RAD51D: variants seen among roughly 807,000 people sequenced by gnomAD.
The protein encoded by RAD51D is DNA repair protein RAD51 homolog 4.
Under a neutral mutation model 44.1 loss-of-function variants are expected in RAD51D, and 38 were observed. That is an observed-to-expected ratio of 0.86 (90% CI 0.67 to 1.13). The LOEUF (loss-of-function observed/expected upper bound fraction) is 1.13. Ranked by LOEUF, RAD51D falls within the 50% of genes most tolerant of loss-of-function variation. RAD51D has a pLI of 0.00. For synonymous variants in RAD51D, 141 were observed against 166.6 expected, an observed-to-expected ratio of 0.85 and a Z score of 1.18; for missense variants, 390 against 414.0, an observed-to-expected ratio of 0.94 and a Z score of 0.50.
At chr17:35,105,160 C>T (rs1375379951) in intron 6 of RAD51D, among the ~76,000 whole-genome samples, 2 of 152,166 alleles carry the variant, frequency 1.3e-5, no homozygotes, top group Non-Finnish European at 2.9e-5. Context: ...ATTTGGTCAA[C>T]TTTGGTCAAC....
Position 35,099,871 on chromosome 17 carries a change from G to T in RAD51D, c.*1082C>A, listed in dbSNP as rs774128458. 1.9e-6 allele frequency: 1 copy of T among 513,140 alleles called. No homozygotes were observed. The highest frequency in any genetic ancestry group is 3.8e-6 in the Non-Finnish European group (1 of 262,694). The allele number at this position is 513,140 out of a possible 1,614,324, so 31.8% of individuals were successfully genotyped here. A position where few individuals can be genotyped will look rare whatever the true frequency, so the allele number is the denominator to read the frequency against. ...CCAGGGTCATGGCTCTCAGACGGAT[G>T]GCCACAGTGCTGGTGAAAGACAGAG... On this transcript the variant is annotated 3_prime_UTR_variant, in exon 10 of 10. Transcript: ENST00000345365.
In RAD51D at chr17:35,094,892, A is replaced by T. The variant is rs576463566; in HGVS notation, c.*6061T>A. 3.4e-5 allele frequency: 5 copies of T among 145,508 alleles called. No individual in the cohort carries two copies. Among genetic ancestry groups the T allele is most frequent in the African/African-American group, 1.4e-4 (5 of 35,284 alleles). The allele number at this position is 145,508 out of a possible 1,614,324, so 9.0% of individuals were successfully genotyped here. On this transcript the variant is annotated 3_prime_UTR_variant, in exon 10 of 10. Transcript: ENST00000345365. Reference sequence around the variant, plus strand: ...CCTTGATTAACTCGTCTTTGGTACTACCGTAAGTACTAGTGAGAGGCTGCC... The same window carrying T: ...CCTTGATTAACTCGTCTTTGGTACTTCCGTAAGTACTAGTGAGAGGCTGCC...
At position 35,116,916 on chromosome 17, in the gene RAD51D, G is replaced by C. The variant is rs1192914615; in HGVS notation, c.263+1585C>G. The C allele has an allele frequency of 2.5e-6, 4 of 1,608,514 alleles. No individual in the cohort carries two copies. The highest frequency in any genetic ancestry group is 3.4e-6 in the Non-Finnish European group (4 of 1,177,350). ...GAAAGCATTCAGCGAAAGTCCATCT[G>C]TTCCTCCATGCCCAAGTCCTGCCTT... is the stretch of plus-strand genomic sequence containing the variant. On this transcript the variant is annotated intron_variant, in intron 3 of 9. Coordinates refer to ENST00000345365, the MANE Select transcript of RAD51D (RefSeq NM_002878.4).
chr17:35,102,536 G>A (rs1014090452), intron 8 of RAD51D, among the ~76,000 whole-genome samples: 18 of 151,630 alleles, frequency 1.2e-4, no homozygotes, highest in African/African-American at 3.4e-4. Flanking sequence ...AGGCTGAGGC[G>A]GGTGGATTGC....
At chr17:35,104,225 T>C (rs535108710) in intron 6 of RAD51D, among the ~76,000 whole-genome samples, 1 of 152,308 alleles carries the variant, frequency 6.6e-6, no homozygotes, top group Admixed American at 6.5e-5. Context: ...GGTAAGGCCC[T>C]TCTTTTCCTT....
intron 3 of RAD51D, chr17:35,116,728 T>A: frequency 4.3e-6 from 3 of 695,100 alleles, no homozygotes; most frequent in Non-Finnish European, 7.6e-6. Flanking sequence ...TTTCCTGACC[T>A]CATGATCCGC....
At chr17:35,107,821 C>T (rs923485459) in intron 3 of RAD51D, among the ~76,000 whole-genome samples, 1 of 128,524 alleles carries the variant, frequency 7.8e-6, no homozygotes, top group African/African-American at 3.0e-5. Context: ...GTGGCGTGAT[C>T]TCTACTCACT....
rs1567726717 is a variant in RAD51D, at chr17:35,103,692, G to A, written c.577-148C>T. The A allele has an allele frequency of 1.0e-5, 7 of 699,408 alleles. No individual in the cohort carries two copies. In the South Asian group the frequency reaches 1.1e-4, roughly 11 times the overall value. The allele number at this position is 699,408 out of a possible 1,614,324, so 43.3% of individuals were successfully genotyped here. A position where few individuals can be genotyped will look rare whatever the true frequency, so the allele number is the denominator to read the frequency against. ...GCACGGGCATCACAGAATGTCATCAGCAGCAATGTCTCCCTCGTCCCATTG... is the reference window on the plus strand; with the variant it reads ...GCACGGGCATCACAGAATGTCATCAACAGCAATGTCTCCCTCGTCCCATTG... On this transcript the variant is annotated intron_variant, in intron 6 of 9. Coordinates refer to ENST00000345365, the MANE Select transcript of RAD51D (RefSeq NM_002878.4). The surrounding 1 kb of genome is among the most constrained non-coding windows in gnomAD (Gnocchi z 4.1).
At position 35,100,623 on chromosome 17, in the gene RAD51D, G is replaced by C. The variant is rs2091523075; in HGVS notation, c.*330C>G. The C allele has an allele frequency of 1.8e-6, 1 of 553,996 alleles. No homozygotes were observed. Among genetic ancestry groups the C allele is most frequent in the South Asian group, 1.6e-5 (1 of 63,358 alleles). The allele number at this position is 553,996 out of a possible 1,614,324, so 34.3% of individuals were successfully genotyped here. ...GCACAGGACACAATGGTGATGCACA[G>C]GATTATCCATCCAGTCGCCAGCATG... On this transcript the variant is annotated 3_prime_UTR_variant, in exon 10 of 10. Transcript: ENST00000345365.
chr17:35,115,007 C>G (rs908158561), intron 3 of RAD51D, among the ~76,000 whole-genome samples: 1 of 152,080 alleles, frequency 6.6e-6, no homozygotes, highest in African/African-American at 2.4e-5. Flanking sequence ...TAAGGTATTC[C>G]CAAATCCACC....
chr17:35,106,541 T>G lies in RAD51D; in HGVS notation c.481-60A>C, dbSNP rs752669798. 657 of 1,326,034 alleles carry G rather than the reference T, an allele frequency of 5.0e-4. 2 individuals are homozygous for G. The Middle Eastern group carries it at 6.9e-3, about 14-fold the overall frequency. The allele number at this position is 1,326,034 out of a possible 1,614,324, so 82.1% of individuals were successfully genotyped here. ...ATAAGAGGGAGTAGGGGGGTCAAGG[T>G]AAGGCTGAGAAGGAAGAGGCACCTG... On this transcript the variant is annotated intron_variant, in intron 5 of 9. Coordinates refer to ENST00000345365, the MANE Select transcript of RAD51D (RefSeq NM_002878.4).
chr17:35,116,005 G>GAAAGA (rs1555569904), intron 3 of RAD51D, among the ~76,000 whole-genome samples: 1 of 147,948 alleles, frequency 6.8e-6, no homozygotes, highest in African/African-American at 2.5e-5. Flanking sequence ...AAGAAAGAAA[G>GAAAGA]AAAGAAAGGC....
At chr17:35,118,781 C>T (rs559351208) in intron 2 of RAD51D, among the ~76,000 whole-genome samples, 162 bp from the exon 3 acceptor site, 1 of 152,146 alleles carries the variant, frequency 6.6e-6, no homozygotes, top group Non-Finnish European at 1.5e-5. Context: ...CTCACTCTGT[C>T]GCCCAGATTG....
chr17:35,105,503 T>C (rs1257567566), intron 6 of RAD51D, among the ~76,000 whole-genome samples: 1 of 152,222 alleles, frequency 6.6e-6, no homozygotes, highest in Non-Finnish European at 1.5e-5. Context: ...ATTGACTTTA[T>C]ATATAGTCGT....
rs2091804922 is a variant in RAD51D at position 35,119,823 on chromosome 17, A to G, written c.-210T>C. On this transcript the variant is annotated 5_prime_UTR_variant, in exon 1 of 10. Transcript: ENST00000345365. ...GGGATCCGCCGGGATTCCCGCGCCC[A>G]GAGCCCGCCCGCCGGGTCGCGCCGC... 1.4e-6 allele frequency: 1 copy of G among 691,036 alleles called. No homozygotes were observed. The highest frequency in any genetic ancestry group is 2.6e-6 in the Non-Finnish European group (1 of 383,024). The allele number at this position is 691,036 out of a possible 1,614,324, so 42.8% of individuals were successfully genotyped here. A position where few individuals can be genotyped will look rare whatever the true frequency, so the allele number is the denominator to read the frequency against.
At chr17:35,110,404 T>C (rs2142446283) in intron 3 of RAD51D, among the ~76,000 whole-genome samples, 1 of 152,322 alleles carries the variant, frequency 6.6e-6, no homozygotes, top group East Asian at 1.9e-4. Flanking sequence ...TTTCATTCTG[T>C]TTTGCACAGC....
rs753856224 is a variant in RAD51D, at chr17:35,107,377, C to T, written c.334G>A (p.Gly112Ser). Residue 112 changes from glycine (G) to serine (S), a missense_variant, in exon 4 of 10, where the codon GGC becomes AGC. Coordinates refer to ENST00000345365, the MANE Select transcript of RAD51D (RefSeq NM_002878.4). Reference protein sequence around the residue: ...VTEIVGGPGSGKTQVCLCMAA... With the variant: ...VTEIVGGPGSSKTQVCLCMAA... ...GGCCTCACATGTACCTGAGTTTTGC[C>T]GCTACCTGGGCCTCCTACAATTTCA... 1.2e-5 allele frequency: 18 copies of T among 1,557,166 alleles called. 1 individual carries two copies. The highest frequency in any genetic ancestry group is 3.3e-5 in the South Asian group (3 of 89,924).
Position 35,103,448 on chromosome 17 carries a change from A to ACT in RAD51D, c.667+4_667+5dup. On this transcript the variant is annotated splice_donor_region_variant and intron_variant, in intron 7 of 9. Transcript: ENST00000345365. The surrounding 1 kb of genome is among the most constrained non-coding windows in gnomAD (Gnocchi z 4.1). ...CACTGGCCCCAGGCTCTGCCACATC[A>ACT]CTCACCTTCCCTCTGCTGACCTCCC... is the stretch of plus-strand genomic sequence containing the variant. The ACT allele has an allele frequency of 2.5e-6, 4 of 1,613,722 alleles. No individual in the cohort carries two copies. Among genetic ancestry groups the ACT allele is most frequent in the Non-Finnish European group, 3.4e-6 (4 of 1,179,818 alleles).
At chr17:35,112,584 G>T (rs1163570320) in intron 3 of RAD51D, among the ~76,000 whole-genome samples, 1 of 151,984 alleles carries the variant, frequency 6.6e-6, no homozygotes, top group Non-Finnish European at 1.5e-5. Context: ...CATCATATTG[G>T]CCAGGCTGGT....
Sources: gnomAD v4.1 joint callset for allele counts (sites outside exome capture counted in the v4.1 genomes callset) on GRCh38, gnomAD v4.1.1 for gene constraint, Gnocchi (gnomAD v3.1) non-coding constraint, MANE v1.5 for transcripts, NCBI Gene and HGNC (gene_info 2026-07-23, HGNC 2026-07-21) for gene names.